TSPAN18: variants seen among roughly 807,000 people sequenced by gnomAD.
TSPAN18 encodes tetraspanin 18, also known as tetraspanin-18.
In TSPAN18, 14 loss-of-function variants were observed where a neutral mutation model predicts 27.3. The ratio of observed to expected loss-of-function variants is 0.51; its 90% confidence interval spans 0.34 to 0.80. The LOEUF (loss-of-function observed/expected upper bound fraction) is 0.80. Ranked by LOEUF, TSPAN18 falls within the 30% of genes least tolerant of loss-of-function variation. The pLI, the probability that TSPAN18 is intolerant of heterozygous loss-of-function variation, is 0.01. For missense variants in TSPAN18, 268 were observed against 323.9 expected, an observed-to-expected ratio of 0.83 and a Z score of 1.32; for synonymous variants, 143 against 136.5, an observed-to-expected ratio of 1.05 and a Z score of -0.33.
intron 5 of TSPAN18, among the ~76,000 whole-genome samples, chr11:44,915,719 G>T (rs1356916029): frequency 2.0e-5 from 3 of 152,208 alleles, no homozygotes; most frequent in African/African-American, 7.2e-5. Context: ...CTCTGAAAAG[G>T]CAGCTGGGCC....
At chr11:44,854,061 TATTG>T (rs1438946860) in intron 2 of TSPAN18, among the ~76,000 whole-genome samples, 1 of 152,198 alleles carries the variant, frequency 6.6e-6, no homozygotes, top group Admixed American at 6.5e-5. Flanking sequence ...GTATTAATCG[TATTG>T]ATTAATTACA....
chr11:44,737,260 A>T (rs1854819030), intron 1 of TSPAN18, among the ~76,000 whole-genome samples: 1 of 152,230 alleles, frequency 6.6e-6, no homozygotes, highest in Non-Finnish European at 1.5e-5. Flanking sequence ...AGGCCACCTC[A>T]TGGACCCAAA....
chr11:44,834,106 T>G lies in TSPAN18; in HGVS notation c.-152-26222T>G, dbSNP rs77768680. On this transcript the variant is annotated intron_variant, in intron 2 of 9. Transcript: ENST00000520358. ...TAAACCCAGGCAGGAACCACGAGAT[T>G]GCTGAGGCCAGGAGCAAAGAAGGGG... Among the ~76,000 whole-genome samples the G allele has an allele frequency of 3.6e-3, 542 of 152,022 alleles. 6 individuals carry two copies. The highest frequency in any genetic ancestry group is 5.7e-3 in the Non-Finnish European group (385 of 67,980).
chr11:44,900,680 C>CTTTT lies in TSPAN18; in HGVS notation c.-10-5699_-10-5696dup, dbSNP rs72469181. Among the ~76,000 whole-genome samples the CTTTT allele has an allele frequency of 1.2e-3, 61 of 49,728 alleles. 7 individuals are homozygous for CTTTT. The highest frequency in any genetic ancestry group is 4.3e-3 in the African/African-American group (48 of 11,124). 32.6% of individuals were successfully genotyped at this position (49,728 alleles called of 152,430 possible). A position where few individuals can be genotyped will look rare whatever the true frequency, so the allele number is the denominator to read the frequency against. The stretch of plus-strand genomic sequence containing the variant: ...TATTTTCCATACAACTTGAGGAAGG[C>CTTTT]TTTTTTTTTTTTTTTTTTTTTTTTT... On this transcript the variant is annotated intron_variant, in intron 3 of 9. Coordinates refer to ENST00000520358, the MANE Select transcript of TSPAN18 (RefSeq NM_130783.5).
chr11:44,827,481 G>A (rs1857068569), intron 2 of TSPAN18, among the ~76,000 whole-genome samples: 1 of 152,202 alleles, frequency 6.6e-6, no homozygotes, highest in Admixed American at 6.5e-5. Flanking sequence ...GGAAGTGCCT[G>A]GAGTCTGGGA....
intron 5 of TSPAN18, among the ~76,000 whole-genome samples, chr11:44,911,694 A>G (rs1469916405): frequency 6.6e-6 from 1 of 151,988 alleles, no homozygotes; most frequent in East Asian, 1.9e-4. Flanking sequence ...AAGCCAAGAC[A>G]GGAAGCCAGG....
intron 1 of TSPAN18, among the ~76,000 whole-genome samples, chr11:44,738,802 C>A (rs1164947826): frequency 6.6e-6 from 1 of 152,178 alleles, no homozygotes; most frequent in African/African-American, 2.4e-5. Flanking sequence ...GCAGGAAGCA[C>A]AATTTAGCCG....
chr11:44,735,892 C>T (rs549253105), intron 1 of TSPAN18, among the ~76,000 whole-genome samples: 1 of 152,300 alleles, frequency 6.6e-6, no homozygotes, highest in Admixed American at 6.5e-5. Context: ...GCTGGGATTA[C>T]AGGCGTGAGC....
In TSPAN18 at chr11:44,865,695, T is replaced by C. The variant is rs1047088141; in HGVS notation, c.-11+5226T>C. Among the ~76,000 whole-genome samples, 10 of 152,170 alleles carry C rather than the reference T, an allele frequency of 6.6e-5. No homozygotes were observed. In the East Asian group the frequency reaches 1.9e-3, roughly 29 times the overall value. ...AACTTTTCTTCTTTTTTTTCTCTCC[T>C]TAAGGACAGGGGACAGCTATGCAGT... On this transcript the variant is annotated intron_variant, in intron 3 of 9. Transcript: ENST00000520358.
chr11:44,750,570 A>T (rs1018358168), intron 1 of TSPAN18, among the ~76,000 whole-genome samples: 1 of 151,662 alleles, frequency 6.6e-6, no homozygotes, highest in Admixed American at 6.6e-5. Flanking sequence ...ATCTCCCTCC[A>T]CTTCCCACAT....
In TSPAN18 at chr11:44,727,950, T is replaced by G. The variant is rs1039125878; in HGVS notation, c.-240+663T>G. Among the ~76,000 whole-genome samples the G allele has an allele frequency of 2.6e-5, 4 of 152,020 alleles. No individual in the cohort carries two copies. The South Asian group carries it at 8.3e-4, about 32-fold the overall frequency. On this transcript the variant is annotated intron_variant, in intron 1 of 9. Coordinates refer to ENST00000520358, the MANE Select transcript of TSPAN18 (RefSeq NM_130783.5). The stretch of plus-strand genomic sequence containing the variant: ...CAGTGGGAGCCAGTTGGGACGGTGC[T>G]CGGCTCGGGTGGGATCGCGCCGGCT...
intron 1 of TSPAN18, among the ~76,000 whole-genome samples, chr11:44,729,934 G>A (rs1854611185): frequency 6.6e-6 from 1 of 152,162 alleles, no homozygotes; most frequent in Non-Finnish European, 1.5e-5. Context: ...GCCTTGGGCA[G>A]GTTATTTCCC....
intron 3 of TSPAN18, among the ~76,000 whole-genome samples, chr11:44,887,886 T>A (rs1326153543): frequency 6.6e-6 from 1 of 152,218 alleles, no homozygotes; most frequent in Non-Finnish European, 1.5e-5. Flanking sequence ...GTGAAGCCAT[T>A]AAATATTTAA....
intron 2 of TSPAN18, among the ~76,000 whole-genome samples, chr11:44,826,078 C>G (rs1353703205): frequency 6.6e-6 from 1 of 152,200 alleles, no homozygotes; most frequent in Non-Finnish European, 1.5e-5. Flanking sequence ...TTACACCACA[C>G]ACAAAGTGAG....
intron 2 of TSPAN18, among the ~76,000 whole-genome samples, chr11:44,830,040 C>T (rs946830419): frequency 4.6e-5 from 7 of 152,250 alleles, no homozygotes; most frequent in Non-Finnish European, 7.3e-5. Context: ...TGATCCACCC[C>T]TGCCCTCCTC....
intron 5 of TSPAN18, among the ~76,000 whole-genome samples, chr11:44,915,972 G>T (rs1042807480): frequency 6.6e-6 from 1 of 152,234 alleles, no homozygotes; most frequent in Non-Finnish European, 1.5e-5. Flanking sequence ...GGCTGAAGCA[G>T]ACTTGATGTG....
At chr11:44,788,874 C>T (rs780384887) in intron 2 of TSPAN18, among the ~76,000 whole-genome samples, 2 of 152,176 alleles carry the variant, frequency 1.3e-5, no homozygotes, top group Admixed American at 1.3e-4. Flanking sequence ...ACACTGATTC[C>T]CTCCCTGCCA....
At chr11:44,755,033 C>A (rs1226434826) in intron 1 of TSPAN18, among the ~76,000 whole-genome samples, 1 of 152,198 alleles carries the variant, frequency 6.6e-6, no homozygotes, top group Admixed American at 6.5e-5. Flanking sequence ...AGCCCCAGAC[C>A]AGATGGGAGG....
Position 44,880,183 on chromosome 11 carries a change from C to T in TSPAN18, c.-11+19714C>T, listed in dbSNP as rs139101383. On this transcript the variant is annotated intron_variant, in intron 3 of 9. Coordinates refer to ENST00000520358, the MANE Select transcript of TSPAN18 (RefSeq NM_130783.5). Reference sequence around the variant, plus strand: ...CATGACAGTGCCTGTGCCAGAAGAGCGCCAGGATGGCCGCTGAGTGAGGTT... The same window carrying T: ...CATGACAGTGCCTGTGCCAGAAGAGTGCCAGGATGGCCGCTGAGTGAGGTT... 3.5e-3 allele frequency among the ~76,000 whole-genome samples: 540 copies of T among 152,304 alleles called. 4 individuals carry two copies. Among genetic ancestry groups the T allele is most frequent in the African/African-American group, 0.012 (494 of 41,568 alleles).
Sources: allele counts gnomAD v4.1 joint callset (sites outside exome capture counted in the v4.1 genomes callset), GRCh38; gene constraint gnomAD v4.1.1; transcripts MANE v1.5; gene names NCBI Gene and HGNC (gene_info 2026-07-23, HGNC 2026-07-21).